Variants in ATG9A observed in about 807,000 individuals in gnomAD.
ATG9A encodes autophagy related 9A, also known as autophagy-related protein 9A.
Under a neutral mutation model 87.1 loss-of-function variants are expected in ATG9A, and 21 were observed. The observed-to-expected ratio is 0.24, with a 90% CI of 0.17 to 0.35. The LOEUF (loss-of-function observed/expected upper bound fraction) is 0.35, where lower values mean the gene tolerates loss of function less well. Among genes scored for constraint, ATG9A ranks in the 10% least tolerant of loss-of-function variants. The pLI is 1.00. For missense variants in ATG9A, 836 were observed against 1,107.3 expected (o/e 0.76, Z 3.48); for synonymous variants, 422 against 441.3 (o/e 0.96, Z 0.55).
At chr2:219,221,338 CG>C in intron 13 of ATG9A, 36 bp from the exon 14 acceptor site, 1 of 1,501,148 alleles carries the variant, frequency 6.7e-7, no homozygotes, top group South Asian at 1.3e-5. Flanking sequence ...GGGGGACAGA[CG>C]GATGTCCATC....
rs1161447606 is a variant in ATG9A at position 219,229,599 on chromosome 2, G to A, written c.-146C>T. 2 of 152,778 alleles carry A rather than the reference G, an allele frequency of 1.3e-5. No homozygotes were observed. The highest frequency in any genetic ancestry group is 3.9e-4 in the East Asian group (2 of 5,168). 9.5% of individuals were successfully genotyped at this position (152,778 alleles called of 1,614,324 possible). A position where few individuals can be genotyped will look rare whatever the true frequency, so the allele number is the denominator to read the frequency against. ...GGCTCCGCTCGGCTCGGCTCGGCTC[G>A]GCGCGACCCGCGGCGCTAGGCCGGG... is the stretch of plus-strand genomic sequence containing the variant. On this transcript the variant is annotated 5_prime_UTR_variant, in exon 1 of 16. Transcript: ENST00000361242. This position sits in a 1 kb window ranked among gnomAD's most constrained non-coding sequence, Gnocchi z 4.2.
Position 219,222,245 on chromosome 2 carries a change from C to T in ATG9A, c.2027+27G>A, listed in dbSNP as rs202104068. The T allele has an allele frequency of 1.4e-5, 22 of 1,613,490 alleles. No individual in the cohort carries two copies. Among genetic ancestry groups the T allele is most frequent in the Non-Finnish European group, 1.9e-5 (22 of 1,179,928 alleles). On this transcript the variant is annotated intron_variant, in intron 12 of 15. Coordinates refer to ENST00000361242, the MANE Select transcript of ATG9A (RefSeq NM_001077198.3). The surrounding 1 kb of genome is among the most constrained non-coding windows in gnomAD (Gnocchi z 4.3). Reference sequence around the variant, plus strand: ...ACAAGCTGCTGAGGGCTGCCGTGCCCTCCCATCTTGGCCCCGATTTACTCA... The same window carrying T: ...ACAAGCTGCTGAGGGCTGCCGTGCCTTCCCATCTTGGCCCCGATTTACTCA...
At position 219,222,605 on chromosome 2, in the gene ATG9A, G is replaced by A. The variant is rs748356347; in HGVS notation, c.1848+40C>T. 2 of 1,609,362 alleles carry A rather than the reference G, an allele frequency of 1.2e-6. No homozygotes were observed. The highest frequency in any genetic ancestry group is 1.7e-6 in the Non-Finnish European group (2 of 1,176,202). ...GGTCCCTCAACTCCCAGCTCCTGAAGTCCACTCTGCCCATCATCTCCCAGT... is the reference window on the plus strand; with the variant it reads ...GGTCCCTCAACTCCCAGCTCCTGAAATCCACTCTGCCCATCATCTCCCAGT... On this transcript the variant is annotated intron_variant, in intron 11 of 15. Transcript: ENST00000361242. The surrounding 1 kb of genome is among the most constrained non-coding windows in gnomAD (Gnocchi z 4.3).
chr2:219,220,774 C>T lies in ATG9A; in HGVS notation c.2487G>A (p.Glu829=), dbSNP rs912512723. The T allele has an allele frequency of 4.3e-6, 7 of 1,613,528 alleles. No homozygotes were observed. Among genetic ancestry groups the T allele is most frequent in the Non-Finnish European group, 5.9e-6 (7 of 1,179,972 alleles). Reference sequence around the variant, plus strand: ...TGTGCACCTGAGGGGGTAGCTCATCCTCCGAGCCCTCTTCGGGCACGGGCT... The same window carrying T: ...TGTGCACCTGAGGGGGTAGCTCATCTTCCGAGCCCTCTTCGGGCACGGGCT... ...HPEPVPEEGS[E]DELPPQVHKV The change falls in exon 15 of 16, where the codon GAG becomes GAA. Residue 829 remains glutamate, a synonymous_variant. Transcript: ENST00000361242.
chr2:219,228,141 C>A (rs1358087580), intron 2 of ATG9A, 88 bp from the exon 3 acceptor site: 2 of 905,472 alleles, frequency 2.2e-6, no homozygotes, highest in Middle Eastern at 3.4e-4. Context: ...GAGAAAGTAC[C>A]CTTGGGCTTT....
chr2:219,220,106 C>T lies in ATG9A; in HGVS notation c.*341G>A. 3.0e-6 allele frequency: 1 copy of T among 336,940 alleles called. No homozygotes were observed. Among genetic ancestry groups the T allele is most frequent in the Non-Finnish European group, 5.5e-6 (1 of 181,604 alleles). The allele number at this position is 336,940 out of a possible 1,614,324, so 20.9% of individuals were successfully genotyped here. A position where few individuals can be genotyped will look rare whatever the true frequency, so the allele number is the denominator to read the frequency against. ...GGCACAGGTTCTCCCTGCTTGGCAGCTTCTATCGTGGGCAGCCCTCTGGGG... is the reference window on the plus strand; with the variant it reads ...GGCACAGGTTCTCCCTGCTTGGCAGTTTCTATCGTGGGCAGCCCTCTGGGG... On this transcript the variant is annotated 3_prime_UTR_variant, in exon 16 of 16. Coordinates refer to ENST00000361242, the MANE Select transcript of ATG9A (RefSeq NM_001077198.3).
In ATG9A at chr2:219,223,559, C is replaced by T. The variant is rs1210139326; in HGVS notation, c.1599+26G>A. The T allele has an allele frequency of 3.8e-6, 6 of 1,571,112 alleles. No homozygotes were observed. In the East Asian group the frequency reaches 6.7e-5, roughly 18 times the overall value. ...TGTATGTTCCAGCATCATCCCAGGC[C>T]ACCTGGCTCCCTCCTCTCCCAGTAC... On this transcript the variant is annotated intron_variant, in intron 10 of 15. Coordinates refer to ENST00000361242, the MANE Select transcript of ATG9A (RefSeq NM_001077198.3). This position sits in a 1 kb window ranked among gnomAD's most constrained non-coding sequence, Gnocchi z 4.7.
chr2:219,221,306 G>C lies in ATG9A; in HGVS notation c.2146-4C>G. 1 of 1,554,184 alleles carries C rather than the reference G, an allele frequency of 6.4e-7. No homozygotes were observed. The highest frequency in any genetic ancestry group is 8.7e-7 in the Non-Finnish European group (1 of 1,151,732). On this transcript the variant is annotated splice_polypyrimidine_tract_variant and splice_region_variant and intron_variant, in intron 13 of 15. Transcript: ENST00000361242. Reference sequence around the variant, plus strand: ...CCTGGGCCTGCTGCTTGTGGAGCTGGAGAAATGGGGGGCTCGTTAGTGGGG... The same window carrying C: ...CCTGGGCCTGCTGCTTGTGGAGCTGCAGAAATGGGGGGCTCGTTAGTGGGG...
Position 219,221,199 on chromosome 2 carries a change from G to C in ATG9A, c.2249C>G (p.Ala750Gly). The C allele has an allele frequency of 6.3e-7, 1 of 1,593,496 alleles. No individual in the cohort carries two copies. The highest frequency in any genetic ancestry group is 8.5e-7 in the Non-Finnish European group (1 of 1,170,290). The change falls in exon 14 of 16, where the codon GCC (alanine) becomes GGC (glycine). Residue 750 changes from alanine to glycine, a missense_variant. By Grantham distance (60) the Ala-to-Gly change is moderately conservative (BLOSUM62 0). Around this residue, in one of 2 missense-constraint regions of ATG9A, gnomAD observed 324 missense variants for 347.6 expected, o/e 0.93. Transcript: ENST00000361242. ...ESAPDEGGEG[A>G]RAPQSIPRSA... Reference sequence around the variant, plus strand: ...GCGAGGGATAGACTGGGGGGCCCGGGCGCCCTCTCCCCCTTCATCAGGGGC... The same window carrying C: ...GCGAGGGATAGACTGGGGGGCCCGGCCGCCCTCTCCCCCTTCATCAGGGGC...
chr2:219,221,755 C>A (rs989701022), intron 13 of ATG9A, among the ~76,000 whole-genome samples: 1 of 152,056 alleles, frequency 6.6e-6, no homozygotes, highest in Non-Finnish European at 1.5e-5. Context: ...GGAGGGTGGG[C>A]AAGGGAGCCT....
rs1399059907 is a variant in ATG9A at position 219,227,937 on chromosome 2, C to T, written c.88G>A (p.Ala30Thr). The T allele has an allele frequency of 2.5e-6, 4 of 1,614,028 alleles. No homozygotes were observed. The highest frequency in any genetic ancestry group is 2.2e-5 in the South Asian group (2 of 91,088). Residue 30 changes from alanine (A) to threonine (T), a missense_variant, in exon 3 of 16, where the codon GCC becomes ACC. By Grantham distance (58) the Ala-to-Thr change is moderately conservative (BLOSUM62 0). Around this residue, in one of 2 missense-constraint regions of ATG9A, gnomAD observed 512 missense variants for 759.6 expected, o/e 0.67. Transcript: ENST00000361242. ...PGEEDLLVHV[A>T]EGSKSPWHHI... ...AAGAACTCACACTTGCTCCCCTCGG[C>T]GACGTGCACCAACAGGTCCTCCTCC...
intron 5 of ATG9A, 49 bp from the exon 6 acceptor site, chr2:219,225,621 A>G: frequency 3.2e-6 from 5 of 1,581,328 alleles, no homozygotes; most frequent in Non-Finnish European, 3.5e-6. Flanking sequence ...GAGAGGCTCC[A>G]GTGAAACCCA....
intron 4 of ATG9A, 24 bp from the exon 5 acceptor site, chr2:219,226,957 TCAGTA>T (rs1461578612): frequency 6.3e-7 from 1 of 1,596,168 alleles, no homozygotes; most frequent in South Asian, 1.1e-5. Context: ...GAAAAAGTAG[TCAGTA>T]AAGAAAGCAG....
rs529353526 is a variant in ATG9A at position 219,223,447 on chromosome 2, C to G, written c.1599+138G>C. On this transcript the variant is annotated intron_variant, in intron 10 of 15. Transcript: ENST00000361242. This position sits in a 1 kb window ranked among gnomAD's most constrained non-coding sequence, Gnocchi z 4.7. ...GTGCGAATTAGGGCTGAAATCCAGCCCAGGCTCCCAAGCAGTGTGCCCCTG... is the reference window on the plus strand; with the variant it reads ...GTGCGAATTAGGGCTGAAATCCAGCGCAGGCTCCCAAGCAGTGTGCCCCTG... 410 of 1,099,392 alleles carry G rather than the reference C, an allele frequency of 3.7e-4. No individual in the cohort carries two copies. The Middle Eastern group carries it at 8.9e-3, about 24-fold the overall frequency. 68.1% of individuals were successfully genotyped at this position (1,099,392 alleles called of 1,614,324 possible). A position where few individuals can be genotyped will look rare whatever the true frequency, so the allele number is the denominator to read the frequency against.
At chr2:219,225,884 G>A (rs754687321) in intron 5 of ATG9A, among the ~76,000 whole-genome samples, 1 of 152,238 alleles carries the variant, frequency 6.6e-6, no homozygotes, top group Non-Finnish European at 1.5e-5. Flanking sequence ...TTTTGAGGTT[G>A]TAGTTAAAAG....
chr2:219,227,088 G>A (rs1171270159), intron 4 of ATG9A, among the ~76,000 whole-genome samples, 155 bp from the exon 5 acceptor site: 2 of 152,216 alleles, frequency 1.3e-5, no homozygotes, highest in East Asian at 1.9e-4. Flanking sequence ...TCTGTCCATG[G>A]TGGTACATTA....
Position 219,221,196 on chromosome 2 carries a change from CG to C in ATG9A, c.2251del (p.Arg751GlyfsTer93). 1 of 1,593,114 alleles carries C rather than the reference CG, an allele frequency of 6.3e-7. No homozygotes were observed. The highest frequency in any genetic ancestry group is 8.5e-7 in the Non-Finnish European group (1 of 1,170,118). On this transcript the variant is annotated frameshift_variant, in exon 14 of 16. Coordinates refer to ENST00000361242, the MANE Select transcript of ATG9A (RefSeq NM_001077198.3). LOFTEE classifies it high-confidence loss of function. ...SAPDEGGEGA[R>X]APQSIPRSAS... is the part of the protein sequence containing the mutation. ...AGAGCGAGGGATAGACTGGGGGGCCCGGGCGCCCTCTCCCCCTTCATCAGGG... is the reference window on the plus strand; with the variant it reads ...AGAGCGAGGGATAGACTGGGGGGCCCGGCGCCCTCTCCCCCTTCATCAGGG...
chr2:219,226,303 A>C (rs1950859598), intron 5 of ATG9A, among the ~76,000 whole-genome samples: 2 of 152,274 alleles, frequency 1.3e-5, no homozygotes, highest in Admixed American at 1.3e-4. Context: ...AGCCTCCTAA[A>C]GTGCTGGGAT....
rs757007567 is a variant in ATG9A, at chr2:219,222,029, C to CT, written c.2145+20dup. On this transcript the variant is annotated intron_variant, in intron 13 of 15. Coordinates refer to ENST00000361242, the MANE Select transcript of ATG9A (RefSeq NM_001077198.3). The surrounding 1 kb of genome is among the most constrained non-coding windows in gnomAD (Gnocchi z 4.3). ...TCTCCGCATCTAAACCCTCTACTCT[C>CT]TTTTTTAGCTGTGCACTCACCTGGT... The CT allele has an allele frequency of 1.2e-6, 2 of 1,607,086 alleles. No homozygotes were observed. Among genetic ancestry groups the CT allele is most frequent in the Non-Finnish European group, 8.5e-7 (1 of 1,175,524 alleles).
Sources: gnomAD v4.1 joint callset for allele counts (sites outside exome capture counted in the v4.1 genomes callset) on GRCh38, gnomAD v4.1.1 for gene constraint, gnomAD v4.1.1 regional missense constraint, Gnocchi (gnomAD v3.1) non-coding constraint, MANE v1.5 for transcripts, NCBI Gene and HGNC (gene_info 2026-07-23, HGNC 2026-07-21) for gene names.